The following OR52I2 variants were observed in gnomAD, a reference collection of about 807,000 sequenced individuals.
The protein encoded by OR52I2 is olfactory receptor family 52 subfamily I member 2, also known as olfactory receptor 52I2.
For missense variants in OR52I2, 350 were observed against 402.4 expected (o/e 0.87, Z 1.11); for synonymous variants, 147 against 151.9 (o/e 0.97, Z 0.24).
exon 2 of OR52I2, chr11:4,587,954 A>ATGAAGG (rs1320549857): frequency 9.5e-6 from 10 of 1,047,316 alleles, no homozygotes; most frequent in Admixed American, 2.0e-5. Context: ...GAATTCTAAG[A>ATGAAGG]TGAAGGTGTA....
At chr11:4,584,105 T>A (rs1017232525) in intron 1 of OR52I2, among the ~76,000 whole-genome samples, 5 of 152,174 alleles carry the variant, frequency 3.3e-5, no homozygotes, top group Admixed American at 2.0e-4. Context: ...GGTAGGGATA[T>A]GGCAGCTTCT....
chr11:4,587,459 G>C (rs751825837), exon 2 of OR52I2: 2 of 1,614,080 alleles, frequency 1.2e-6, no homozygotes, highest in Non-Finnish European at 1.7e-6. Flanking sequence ...GCTTTGGCCA[G>C]GTTAGCATGT....
chr11:4,582,433 C>CCTTTTTTT (rs1564859030), intron 1 of OR52I2, among the ~76,000 whole-genome samples: 19 of 74,688 alleles, frequency 2.5e-4, no homozygotes, highest in Non-Finnish European at 4.5e-4. Context: ...ATTTATTTTT[C>CCTTTTTTT]ATTTTTTTTT....
chr11:4,588,304 C>T (rs1846324831), exon 2 of OR52I2: 1 of 166,928 alleles, frequency 6.0e-6, no homozygotes, highest in Non-Finnish European at 1.3e-5. Flanking sequence ...GTTTTTCATA[C>T]TTCCAAATAG....
intron 1 of OR52I2, among the ~76,000 whole-genome samples, chr11:4,582,433 C>CTTTTTTTTT (rs1564859030): frequency 1.2e-4 from 9 of 74,662 alleles, no homozygotes; most frequent in Admixed American, 3.9e-4. Context: ...ATTTATTTTT[C>CTTTTTTTTT]ATTTTTTTTT....
chr11:4,583,777 T>C (rs1846278092), intron 1 of OR52I2, among the ~76,000 whole-genome samples: 3 of 152,310 alleles, frequency 2.0e-5, no homozygotes, highest in East Asian at 3.9e-4. Context: ...AGACCACAGT[T>C]TGTAATCATG....
exon 2 of OR52I2, chr11:4,587,800 C>T (rs2133188171): frequency 6.2e-7 from 1 of 1,614,122 alleles, no homozygotes; most frequent in Non-Finnish European, 8.5e-7. Flanking sequence ...GACCAAACAA[C>T]TGCGGGAGAG....
exon 2 of OR52I2, chr11:4,587,352 C>G (rs1260586857): frequency 6.2e-7 from 1 of 1,613,140 alleles, no homozygotes. Flanking sequence ...CCATCACCAT[C>G]AGAGCTATCA....
At chr11:4,589,666 T>C (rs1181497574) in exon 2 of OR52I2, 1 of 152,040 alleles carries the variant, frequency 6.6e-6, no homozygotes, top group Non-Finnish European at 1.5e-5. Flanking sequence ...AGGTATGATA[T>C]TGGCATGGTG....
chr11:4,584,933 G>GA (rs1846287715), intron 1 of OR52I2, among the ~76,000 whole-genome samples: 1 of 152,166 alleles, frequency 6.6e-6, no homozygotes, highest in Non-Finnish European at 1.5e-5. Flanking sequence ...TTTATGCAGG[G>GA]AAAACAGTTT....
exon 2 of OR52I2, chr11:4,587,439 T>C (rs765787206): frequency 2.0e-5 from 33 of 1,614,068 alleles, no homozygotes; most frequent in Non-Finnish European, 2.5e-5. Context: ...ACTCCTACTG[T>C]GAGCACATAG....
chr11:4,588,481 CCCTTT>C (rs1367342542), exon 2 of OR52I2: 1 of 153,238 alleles, frequency 6.5e-6, no homozygotes, highest in Non-Finnish European at 1.5e-5. Flanking sequence ...TATTTTCAAT[CCCTTT>C]CAAGTCCCCT....
At chr11:4,591,691 G>GA (rs1470425269) in exon 2 of OR52I2, 1 of 152,122 alleles carries the variant, frequency 6.6e-6, no homozygotes, top group Non-Finnish European at 1.5e-5. Context: ...ATTTAGCCTG[G>GA]AAAAAATATT....
At chr11:4,582,434 A>T (rs12796915) in intron 1 of OR52I2, among the ~76,000 whole-genome samples, 5,433 of 96,488 alleles carry the variant, frequency 0.056, 189 homozygotes, top group Middle Eastern at 0.095. Context: ...TTTATTTTTC[A>T]TTTTTTTTTT....
chr11:4,590,656 G>A (rs1846343933), exon 2 of OR52I2: 1 of 152,174 alleles, frequency 6.6e-6, no homozygotes, highest in Non-Finnish European at 1.5e-5. Flanking sequence ...GAGTGGGGAA[G>A]AGGCTGTTTG....
intron 1 of OR52I2, among the ~76,000 whole-genome samples, chr11:4,584,834 G>T (rs563436066): frequency 2.6e-5 from 4 of 152,286 alleles, no homozygotes; most frequent in African/African-American, 9.6e-5. Flanking sequence ...GGCAATGTGG[G>T]TTGAGTGGCT....
intron 1 of OR52I2, among the ~76,000 whole-genome samples, chr11:4,585,327 C>G (rs1846291528): frequency 6.6e-6 from 1 of 152,110 alleles, no homozygotes; most frequent in Non-Finnish European, 1.5e-5. Context: ...CAATGTCTCC[C>G]AAAGCTGAAT....
chr11:4,581,976 C>A (rs1846261085), intron 1 of OR52I2, 112 bp downstream of exon 1: 2 of 152,192 alleles, frequency 1.3e-5, no homozygotes, highest in South Asian at 4.1e-4. Context: ...AGGCCTCATG[C>A]CTCCCATATA....
chr11:4,581,771 T>C (rs1846259612), exon 1 of OR52I2: 1 of 152,190 alleles, frequency 6.6e-6, no homozygotes, highest in South Asian at 2.1e-4. Context: ...TCTTGAAGAG[T>C]CCTGTACAAA....
Sources: allele counts gnomAD v4.1 joint callset (sites outside exome capture counted in the v4.1 genomes callset), GRCh38; gene constraint gnomAD v4.1.1; transcripts MANE v1.5; gene names NCBI Gene and HGNC (gene_info 2026-07-23, HGNC 2026-07-21).